Variants in XPO5 observed in about 807,000 individuals in gnomAD.
XPO5 encodes the protein exportin 5.
A neutral mutation model predicts 160.6 loss-of-function variants in XPO5; 46 were observed. That is an observed-to-expected ratio of 0.29 (90% CI 0.23 to 0.37). XPO5 has a LOEUF of 0.37. XPO5 is among the 10% of genes least tolerant of loss of function. XPO5 has a pLI of 1.00. For missense variants in XPO5, 1,090 were observed against 1,463.9 expected, an observed-to-expected ratio of 0.74 and a Z score of 4.17; for synonymous variants, 537 against 519.3, an observed-to-expected ratio of 1.03 and a Z score of -0.46.
At chr6:43,542,990 GCATATT>G (rs1794780315) in intron 20 of XPO5, among the ~76,000 whole-genome samples, 1 of 152,038 alleles carries the variant, frequency 6.6e-6, no homozygotes, top group Admixed American at 6.6e-5. Flanking sequence ...AATAGTTACA[GCATATT>G]CACACAATGA....
At chr6:43,553,283 C>G (rs758934156) in intron 14 of XPO5, 90 bp downstream of exon 14, 2 of 1,449,514 alleles carry the variant, frequency 1.4e-6, no homozygotes, top group Non-Finnish European at 9.2e-7. Context: ...GCCTGAGCAA[C>G]AGAGAGATAT....
chr6:43,561,302 T>C (rs950183883), intron 9 of XPO5: 1 of 334,462 alleles, frequency 3.0e-6, no homozygotes, highest in African/African-American at 2.1e-5. Context: ...AGAAAAAAAA[T>C]CTGTATTACT....
chr6:43,529,164 C>A, intron 23 of XPO5: 1 of 1,469,682 alleles, frequency 6.8e-7, no homozygotes, highest in Non-Finnish European at 9.2e-7. Flanking sequence ...ATTATGGTCA[C>A]TGGCCCAAAA....
rs1000889418 is a variant in XPO5, at chr6:43,530,919, G to A, written c.2541-95C>T. The A allele has an allele frequency of 2.8e-6, 4 of 1,442,160 alleles. No individual in the cohort carries two copies. The African/African-American group carries it at 4.3e-5, about 15-fold the overall frequency. The allele number at this position is 1,442,160 out of a possible 1,614,324, so 89.3% of individuals were successfully genotyped here. On this transcript the variant is annotated intron_variant, in intron 22 of 31. Transcript: ENST00000265351. ...GAATTTCATTTCTAGCCTACAATAA[G>A]GTTTTTCAGCCAGAAGAGCAGTTGT...
At chr6:43,559,515 T>C (rs1483233915) in intron 11 of XPO5, among the ~76,000 whole-genome samples, 1 of 152,190 alleles carries the variant, frequency 6.6e-6, no homozygotes, top group Non-Finnish European at 1.5e-5. Flanking sequence ...CCTTTGTAAC[T>C]CTCACTTGGC....
Position 43,570,596 on chromosome 6 carries a change from C to T in XPO5, c.527G>A (p.Arg176Lys). The T allele has an allele frequency of 2.5e-6, 4 of 1,613,748 alleles. No homozygotes were observed. Among genetic ancestry groups the T allele is most frequent in the Non-Finnish European group, 3.4e-6 (4 of 1,179,798 alleles). ...TFQTLPPQRR[R>K]DIQQTLTQNM... is the part of the protein sequence containing the mutation. ...CTGGGTTAATGTTTGCTGGATGTCC[C>T]TTCTTCTTTGAGGGGGAAGTGTCTG... The change falls in exon 5 of 32, where the codon AGG (arginine) becomes AAG (lysine). Residue 176 changes from arginine (R) to lysine (K), a missense_variant. Coordinates refer to ENST00000265351, the MANE Select transcript of XPO5 (RefSeq NM_020750.3).
chr6:43,536,787 A>G lies in XPO5; in HGVS notation c.2343-2780T>C, dbSNP rs796867710. Among the ~76,000 whole-genome samples the G allele has an allele frequency of 5.5e-3, 814 of 148,528 alleles. 13 individuals are homozygous for G. Among genetic ancestry groups the G allele is most frequent in the African/African-American group, 0.02 (774 of 39,082 alleles). ...AAAAAAAAAAAAAAAAAAAAAAAAAAAAAGCAGCTTTACTTTTTGGGTTTT... is the reference window on the plus strand; with the variant it reads ...AAAAAAAAAAAAAAAAAAAAAAAAAGAAAGCAGCTTTACTTTTTGGGTTTT... On this transcript the variant is annotated intron_variant, in intron 20 of 31. Transcript: ENST00000265351.
At chr6:43,544,418 T>G (rs1794865052) in intron 20 of XPO5, 2 of 152,194 alleles carry the variant, frequency 1.3e-5, no homozygotes, top group Admixed American at 6.5e-5. Context: ...GATTATACTT[T>G]TTTAAAAAAA....
intron 5 of XPO5, 57 bp downstream of exon 5, chr6:43,570,445 T>C: frequency 6.6e-7 from 1 of 1,510,978 alleles, no homozygotes; most frequent in Non-Finnish European, 8.9e-7. Flanking sequence ...ACTGTAAGAT[T>C]AATCAAAAAC....
chr6:43,563,864 T>C (rs930213132), intron 8 of XPO5, among the ~76,000 whole-genome samples: 1 of 152,188 alleles, frequency 6.6e-6, no homozygotes, highest in African/African-American at 2.4e-5. Context: ...TGTGGAAGCC[T>C]AGGACATTAC....
chr6:43,565,528 G>A, intron 8 of XPO5, 132 bp downstream of exon 8: 1 of 740,530 alleles, frequency 1.4e-6, no homozygotes, highest in Non-Finnish European at 2.0e-6. Context: ...TCGCGCCACT[G>A]CACTCCAGCC....
Position 43,575,902 on chromosome 6 carries a change from T to TC in XPO5, c.-39dup, listed in dbSNP as rs773181642. Reference sequence around the variant, plus strand: ...GCGCCGAGAGCGCACACCACTGCAGTCCCGGGACCACGAGGCACGACAGCT... The same window carrying TC: ...GCGCCGAGAGCGCACACCACTGCAGTCCCCGGGACCACGAGGCACGACAGCT... On this transcript the variant is annotated 5_prime_UTR_variant, in exon 1 of 32. Transcript: ENST00000265351. The TC allele has an allele frequency of 6.6e-7, 1 of 1,518,550 alleles. No individual in the cohort carries two copies. The highest frequency in any genetic ancestry group is 9.1e-7 in the Non-Finnish European group (1 of 1,097,124). 94.1% of individuals were successfully genotyped at this position (1,518,550 alleles called of 1,614,324 possible).
intron 12 of XPO5, 52 bp from the exon 13 acceptor site, chr6:43,556,016 A>G (rs891488863): frequency 6.2e-6 from 10 of 1,604,704 alleles, no homozygotes; most frequent in Non-Finnish European, 8.5e-6. Flanking sequence ...CTGGTATAAA[A>G]TAAGTACTTA....
In XPO5 at chr6:43,554,422, C is replaced by CT. The variant is rs753397086; in HGVS notation, c.1442-920dup. Among the ~76,000 whole-genome samples, 1,088 of 136,778 alleles carry CT rather than the reference C, an allele frequency of 8.0e-3. 13 individuals carry two copies. Among genetic ancestry groups the CT allele is most frequent in the Admixed American group, 0.012 (169 of 13,526 alleles). The allele number at this position is 136,778 out of a possible 152,430, so 89.7% of individuals were successfully genotyped here. ...CACTGTGCCCAGCCGCTTTTCTTTT[C>CT]TTTTTTTTTTTTTTCTTTTTTGAGA... On this transcript the variant is annotated intron_variant, in intron 13 of 31. Transcript: ENST00000265351.
At chr6:43,552,315 C>T (rs1177464830) in intron 14 of XPO5, among the ~76,000 whole-genome samples, 2 of 152,118 alleles carry the variant, frequency 1.3e-5, no homozygotes, top group African/African-American at 4.8e-5. Flanking sequence ...ACCTTAGCCT[C>T]CACGTGCTAG....
chr6:43,570,536 G>T lies in XPO5; in HGVS notation c.587C>A (p.Thr196Lys). Residue 196 changes from threonine to lysine, a missense_variant, in exon 5 of 32, where the codon ACA becomes AAA. Coordinates refer to ENST00000265351, the MANE Select transcript of XPO5 (RefSeq NM_020750.3). ...MERIFSFLLN[T>K]LQENVNKYQQ... ...ATACTTGTTTACATTTTCTTGAAGT[G>T]TGTTAAGCAGAAAACTGAAGATCCT... 1 of 1,613,650 alleles carries T rather than the reference G, an allele frequency of 6.2e-7. No individual in the cohort carries two copies. Among genetic ancestry groups the T allele is most frequent in the Non-Finnish European group, 8.5e-7 (1 of 1,179,814 alleles).
chr6:43,527,556 C>T (rs972601479), intron 26 of XPO5, 78 bp downstream of exon 26: 1 of 1,421,800 alleles, frequency 7.0e-7, no homozygotes. Context: ...ATTAGTCAGG[C>T]CTTCATGGAG....
chr6:43,569,865 C>T (rs1005319258), intron 5 of XPO5, among the ~76,000 whole-genome samples: 1 of 151,598 alleles, frequency 6.6e-6, no homozygotes, highest in African/African-American at 2.4e-5. Context: ...GGTAGACCAC[C>T]TGAGGTCAGG....
rs568888124 is a variant in XPO5, at chr6:43,570,299, G to A, written c.621+203C>T. Among the ~76,000 whole-genome samples, 8 of 124,972 alleles carry A rather than the reference G, an allele frequency of 6.4e-5. No homozygotes were observed. In the South Asian group the frequency reaches 1.1e-3, roughly 17 times the overall value. 82.0% of individuals were successfully genotyped at this position (124,972 alleles called of 152,430 possible). A position where few individuals can be genotyped will look rare whatever the true frequency, so the allele number is the denominator to read the frequency against. ...TGCACTCCAGCCTAGGTGACAGAGC[G>A]AGCCTCCGTCTCAAAAAAAAAAAAA... On this transcript the variant is annotated intron_variant, in intron 5 of 31. Coordinates refer to ENST00000265351, the MANE Select transcript of XPO5 (RefSeq NM_020750.3).
Sources: gnomAD v4.1 joint callset for allele counts (sites outside exome capture counted in the v4.1 genomes callset) on GRCh38, gnomAD v4.1.1 for gene constraint, MANE v1.5 for transcripts, NCBI Gene and HGNC (gene_info 2026-07-23, HGNC 2026-07-21) for gene names.